LARP4B: variants seen among roughly 807,000 people sequenced by gnomAD.
LARP4B encodes the protein la-related protein 4B.
In LARP4B, 12 loss-of-function variants were observed where a neutral mutation model predicts 89.8. The ratio of observed to expected loss-of-function variants is 0.13; its 90% CI spans 0.09 to 0.22. The LOEUF is 0.22. Among genes scored for constraint, LARP4B ranks in the 10% least tolerant of loss-of-function variants. LARP4B has a pLI of 1.00. For synonymous variants in LARP4B, 367 were observed against 363.3 expected (o/e 1.01, Z -0.12); for missense variants, 757 against 947.7 (o/e 0.80, Z 2.64).
intron 1 of LARP4B, among the ~76,000 whole-genome samples, chr10:908,931 G>C (rs1476772707): frequency 6.6e-6 from 1 of 152,196 alleles, no homozygotes; most frequent in African/African-American, 2.4e-5. Context: ...ACCTGAAACA[G>C]ATAGCACAAT....
At chr10:907,498 A>C (rs1402241961) in intron 1 of LARP4B, among the ~76,000 whole-genome samples, 5 of 152,234 alleles carry the variant, frequency 3.3e-5, no homozygotes, top group Non-Finnish European at 4.4e-5. Context: ...CTGGGATCTA[A>C]ACATACAAAG....
rs58903055 is a variant in LARP4B at position 827,275 on chromosome 10, C to CAAAAA, written c.1126-1406_1126-1405insTTTTT. On this transcript the variant is annotated intron_variant, in intron 11 of 17. Coordinates refer to ENST00000316157, the MANE Select transcript of LARP4B (RefSeq NM_015155.3). ...TGGGCGACAGAGAGAGACTCTGTCT[C>CAAAAA]AAAGAAAAAGAAAATACATCACACT... Among the ~76,000 whole-genome samples the CAAAAA allele has an allele frequency of 5.6e-3, 840 of 151,202 alleles. 7 individuals are homozygous for CAAAAA. Among genetic ancestry groups the CAAAAA allele is most frequent in the African/African-American group, 0.019 (785 of 41,026 alleles).
rs752485956 is a variant in LARP4B at position 822,819 on chromosome 10, C to T, written c.1485-1974G>A. Among the ~76,000 whole-genome samples, 40 of 152,370 alleles carry T rather than the reference C, an allele frequency of 2.6e-4. No individual in the cohort carries two copies. The highest frequency in any genetic ancestry group is 3.4e-4 in the Non-Finnish European group (23 of 68,044). On this transcript the variant is annotated intron_variant, in intron 13 of 17. Coordinates refer to ENST00000316157, the MANE Select transcript of LARP4B (RefSeq NM_015155.3). The surrounding 1 kb of genome is among the most constrained non-coding windows in gnomAD (Gnocchi z 4.6). ...TAGCTCCACCAAGGCAGCCACCTGG[C>T]GCCTGGGGCTCCTCATGCCATTCAA...
At chr10:888,824 C>T (rs1035286627) in intron 1 of LARP4B, among the ~76,000 whole-genome samples, 1 of 152,188 alleles carries the variant, frequency 6.6e-6, no homozygotes, top group African/African-American at 2.4e-5. Context: ...CAGTGGCTCG[C>T]GCCTATAATC....
the LARP4B span, among the ~76,000 whole-genome samples, chr10:937,365 T>C: frequency 6.6e-6 from 1 of 152,120 alleles, no homozygotes; most frequent in South Asian, 2.1e-4. Context: ...AAAATCACTA[T>C]CTTGTAACCA....
At chr10:862,368 T>C (rs1426956299) in intron 5 of LARP4B, among the ~76,000 whole-genome samples, 3 of 151,618 alleles carry the variant, frequency 2.0e-5, no homozygotes, top group Admixed American at 6.6e-5. Context: ...TCATTCTGCA[T>C]GGCTGTGCCT....
chr10:948,985 G>A, the LARP4B span, among the ~76,000 whole-genome samples: 15 of 152,354 alleles, frequency 9.8e-5, no homozygotes, highest in Admixed American at 5.9e-4. Context: ...TCATGTGAAC[G>A]TCAGTCTTCG....
chr10:951,162 T>G, the LARP4B span, among the ~76,000 whole-genome samples: 2 of 152,232 alleles, frequency 1.3e-5, no homozygotes, highest in African/African-American at 4.8e-5. Context: ...GGCTGGGAGC[T>G]TCAGTCTTTT....
intron 6 of LARP4B, among the ~76,000 whole-genome samples, chr10:844,419 T>G (rs1452348473): frequency 6.6e-6 from 1 of 152,168 alleles, no homozygotes; most frequent in African/African-American, 2.4e-5. Flanking sequence ...TGTGGAATCC[T>G]CAGGGCTCCA....
the LARP4B span, among the ~76,000 whole-genome samples, chr10:964,786 G>C: frequency 6.6e-6 from 1 of 152,174 alleles, no homozygotes; most frequent in African/African-American, 2.4e-5. Context: ...GTGGGGTGCC[G>C]GGGCTGCGGG....
intron 7 of LARP4B, among the ~76,000 whole-genome samples, chr10:839,009 C>T (rs1464878118): frequency 6.6e-6 from 1 of 152,172 alleles, no homozygotes; most frequent in African/African-American, 2.4e-5. Flanking sequence ...AGAAGCCAAT[C>T]TGAAGAGGCT....
intron 12 of LARP4B, among the ~76,000 whole-genome samples, chr10:825,548 A>G (rs1028947491): frequency 1.3e-5 from 2 of 152,236 alleles, no homozygotes; most frequent in African/African-American, 4.8e-5. Context: ...AATCAGGCAC[A>G]CCTGATGTGT....
chr10:947,779 G>A, the LARP4B span, among the ~76,000 whole-genome samples: 8 of 151,786 alleles, frequency 5.3e-5, no homozygotes, highest in South Asian at 1.3e-3. Context: ...GCGCCACCAC[G>A]CCCGGCTCAT....
At chr10:830,817 A>AAAAACTGGT in intron 9 of LARP4B, 50 bp downstream of exon 9, 1 of 829,588 alleles carries the variant, frequency 1.2e-6, no homozygotes, top group Non-Finnish European at 2.0e-6. Flanking sequence ...CACTAATAGT[A>AAAAACTGGT]AAAACTGGTA....
At chr10:856,158 ATAAACT>A (rs1189410111) in intron 5 of LARP4B, among the ~76,000 whole-genome samples, 1 of 152,248 alleles carries the variant, frequency 6.6e-6, no homozygotes, top group African/African-American at 2.4e-5. Context: ...GAAAAAAATG[ATAAACT>A]TGATTACACA....
chr10:824,224 G>C (rs149259110), intron 13 of LARP4B, among the ~76,000 whole-genome samples: 3,551 of 152,318 alleles, frequency 0.023, 60 homozygotes, highest in Non-Finnish European at 0.037. Flanking sequence ...CAGGTGCGGT[G>C]GCTCATGCCT....
chr10:852,137 G>C (rs1331968805), intron 5 of LARP4B, among the ~76,000 whole-genome samples: 1 of 152,104 alleles, frequency 6.6e-6, no homozygotes, highest in African/African-American at 2.4e-5. Flanking sequence ...CACATGACTT[G>C]TTTCACTTCC....
At chr10:826,283 G>C (rs976925548) in intron 11 of LARP4B, among the ~76,000 whole-genome samples, 1 of 152,206 alleles carries the variant, frequency 6.6e-6, no homozygotes, top group African/African-American at 2.4e-5. Context: ...AGGAGCACCT[G>C]CACACCCACT....
At chr10:987,439 G>A in the LARP4B span, 1 of 152,256 alleles carries the variant, frequency 6.6e-6, no homozygotes, top group Non-Finnish European at 1.5e-5. Flanking sequence ...ATGGTTAGAA[G>A]CAGGTTTGCT....
Sources: allele counts gnomAD v4.1 joint callset (sites outside exome capture counted in the v4.1 genomes callset), GRCh38; gene constraint gnomAD v4.1.1; non-coding constraint Gnocchi (gnomAD v3.1); transcripts MANE v1.5; gene names NCBI Gene and HGNC (gene_info 2026-07-23, HGNC 2026-07-21).